The following ITGB3 variants were observed in gnomAD, a reference collection of about 807,000 sequenced individuals.
ITGB3 encodes integrin subunit beta 3.
In ITGB3, 48 loss-of-function variants were observed where a neutral mutation model predicts 85.8. That is an observed-to-expected ratio of 0.56 (90% CI 0.44 to 0.71). ITGB3 has a LOEUF of 0.71. Among genes scored for constraint, ITGB3 ranks in the 30% least tolerant of loss-of-function variants. The pLI is 0.00. For synonymous variants in ITGB3, 363 were observed against 395.6 expected, an observed-to-expected ratio of 0.92 and a Z score of 0.98; for missense variants, 861 against 1,019.1, an observed-to-expected ratio of 0.84 and a Z score of 2.11.
intron 6 of ITGB3, among the ~76,000 whole-genome samples, chr17:47,288,759 G>A (rs2065114033): frequency 6.6e-6 from 1 of 152,238 alleles, no homozygotes; most frequent in African/African-American, 2.4e-5. Flanking sequence ...GCCAGGGGCT[G>A]AGGGAGGTAA....
chr17:47,254,015 C>T, intron 1 of ITGB3, 75 bp downstream of exon 1: 6 of 988,618 alleles, frequency 6.1e-6, no homozygotes, highest in Non-Finnish European at 6.9e-6. Context: ...GGACTTGGAG[C>T]CGGCAAACGC....
chr17:47,274,564 C>G (rs2065056391), intron 2 of ITGB3, 60 bp downstream of exon 2: 5 of 1,444,904 alleles, frequency 3.5e-6, no homozygotes, highest in Admixed American at 3.3e-5. Flanking sequence ...TGTGCAGAAA[C>G]AGACCCATGA....
At chr17:47,290,077 A>G in intron 7 of ITGB3, 108 bp from the exon 8 acceptor site, 2 of 879,330 alleles carry the variant, frequency 2.3e-6, no homozygotes, top group Non-Finnish European at 3.9e-6. Context: ...AATATCCCGT[A>G]CCTTCCTCCA....
chr17:47,293,497 G>T (rs755738585), intron 10 of ITGB3, among the ~76,000 whole-genome samples: 1 of 152,132 alleles, frequency 6.6e-6, no homozygotes, highest in Non-Finnish European at 1.5e-5. Context: ...TCCCTCTTGC[G>T]ACAGACACAA....
At chr17:47,263,143 C>G (rs1227915372) in intron 1 of ITGB3, among the ~76,000 whole-genome samples, 3 of 152,176 alleles carry the variant, frequency 2.0e-5, no homozygotes, top group African/African-American at 7.2e-5. Context: ...AGGTTTCCTG[C>G]TGCTTTGCAT....
Position 47,299,333 on chromosome 17 carries a change from C to T in ITGB3, c.1716C>T (p.Asp572=), listed in dbSNP as rs2065157148. 6.2e-7 allele frequency: 1 copy of T among 1,614,154 alleles called. No homozygotes were observed. Among genetic ancestry groups the T allele is most frequent in the Non-Finnish European group, 8.5e-7 (1 of 1,180,050 alleles). The change falls in exon 11 of 15, where the codon GAC becomes GAT. Residue 572 remains aspartate (D), a synonymous_variant. Coordinates refer to ENST00000559488, the MANE Select transcript of ITGB3 (RefSeq NM_000212.3). This position sits in a 1 kb window ranked among gnomAD's most constrained non-coding sequence, Gnocchi z 5.1. ...GCCATGGCCAGTGCAGCTGTGGGGA[C>T]TGCCTGTGTGACTCCGACTGGACCG... ...CSGHGQCSCG[D]CLCDSDWTGY...
At chr17:47,294,820 C>T (rs1297451137) in intron 10 of ITGB3, among the ~76,000 whole-genome samples, 1 of 152,226 alleles carries the variant, frequency 6.6e-6, no homozygotes, top group Non-Finnish European at 1.5e-5. Context: ...TGGCTCTATG[C>T]TTCATTCTTT....
At chr17:47,262,733 A>C (rs566914786) in intron 1 of ITGB3, among the ~76,000 whole-genome samples, 1 of 152,254 alleles carries the variant, frequency 6.6e-6, no homozygotes, top group East Asian at 1.9e-4. Flanking sequence ...TTTCTTCACT[A>C]TATCCTGTTA....
In ITGB3 at chr17:47,300,350, T is replaced by C. The variant is rs1021396676; in HGVS notation, c.1914-128T>C. 123 of 710,678 alleles carry C rather than the reference T, an allele frequency of 1.7e-4. 1 individual carries two copies. In the African/African-American group the frequency reaches 1.8e-3, roughly 10 times the overall value. The allele number at this position is 710,678 out of a possible 1,614,324, so 44.0% of individuals were successfully genotyped here. ...TGTCTTACAGGCGCGCGCGCGCGTG[T>C]GTGTGTGTGTGTGTGTGTTTTAATG... On this transcript the variant is annotated intron_variant, in intron 11 of 14. Coordinates refer to ENST00000559488, the MANE Select transcript of ITGB3 (RefSeq NM_000212.3).
At chr17:47,301,123 G>A (rs536390647) in intron 12 of ITGB3, among the ~76,000 whole-genome samples, 3 of 152,178 alleles carry the variant, frequency 2.0e-5, no homozygotes, top group Admixed American at 6.5e-5. Context: ...AAATAAGACA[G>A]ACAGAAATAC....
At chr17:47,294,648 G>A (rs1277440555) in intron 10 of ITGB3, among the ~76,000 whole-genome samples, 2 of 152,192 alleles carry the variant, frequency 1.3e-5, no homozygotes, top group African/African-American at 2.4e-5. Flanking sequence ...ACCCTGTGGT[G>A]CCATCATCAC....
chr17:47,299,343 G>A lies in ITGB3; in HGVS notation c.1726G>A (p.Asp576Asn). The A allele has an allele frequency of 1.2e-6, 2 of 1,614,180 alleles. No homozygotes were observed. The highest frequency in any genetic ancestry group is 2.2e-5 in the South Asian group (2 of 91,078). ...GQCSCGDCLC[D>N]SDWTGYYCNC... ...GTGCAGCTGTGGGGACTGCCTGTGT[G>A]ACTCCGACTGGACCGGCTACTACTG... The change falls in exon 11 of 15, where the codon GAC (aspartate) becomes AAC (asparagine). Residue 576 changes from aspartate to asparagine, a missense_variant. Asp to Asn is a conservative substitution (Grantham distance 23, BLOSUM62 1). Coordinates refer to ENST00000559488, the MANE Select transcript of ITGB3 (RefSeq NM_000212.3). This position sits in a 1 kb window ranked among gnomAD's most constrained non-coding sequence, Gnocchi z 5.1.
chr17:47,277,289 A>G (rs185778886), intron 2 of ITGB3, among the ~76,000 whole-genome samples: 1 of 152,338 alleles, frequency 6.6e-6, no homozygotes, highest in East Asian at 1.9e-4. Context: ...CTTGTTAAAA[A>G]TAAAGCTTCC....
intron 10 of ITGB3, among the ~76,000 whole-genome samples, chr17:47,295,587 T>G (rs1286398386): frequency 6.6e-6 from 1 of 152,086 alleles, no homozygotes; most frequent in African/African-American, 2.4e-5. Flanking sequence ...TCACTTCCAC[T>G]CCCAACCTCA....
At chr17:47,303,279 A>AC (rs1469008602) in intron 13 of ITGB3, among the ~76,000 whole-genome samples, 1 of 151,934 alleles carries the variant, frequency 6.6e-6, no homozygotes, top group Non-Finnish European at 1.5e-5. Flanking sequence ...AACAACAACA[A>AC]AAAAAAACGA....
chr17:47,310,150 A>T lies in ITGB3; in HGVS notation c.2313A>T (p.Pro771=), dbSNP rs200411018. 9 of 1,613,902 alleles carry T rather than the reference A, an allele frequency of 5.6e-6. No individual in the cohort carries two copies. The East Asian group carries it at 2.0e-4, about 36-fold the overall frequency. ...TGTTTCCTCCACAGGCCAACAACCC[A>T]CTGTATAAAGAGGCCACGTCTACCT... ...ARAKWDTANN[P]LYKEATSTFT... Residue 771 remains proline (P), a synonymous_variant, in exon 15 of 15, where the codon CCA becomes CCT. Coordinates refer to ENST00000559488, the MANE Select transcript of ITGB3 (RefSeq NM_000212.3).
chr17:47,304,974 T>C (rs2065181981), intron 13 of ITGB3, among the ~76,000 whole-genome samples: 1 of 152,166 alleles, frequency 6.6e-6, no homozygotes, highest in South Asian at 2.1e-4. Context: ...CTTGGGTCAT[T>C]TGCCATTGGT....
At position 47,312,384 on chromosome 17, in the gene ITGB3, G is replaced by A. The variant is rs899311692; in HGVS notation, c.*2180G>A. Among the ~76,000 whole-genome samples the A allele has an allele frequency of 2.0e-5, 3 of 152,194 alleles. No individual in the cohort carries two copies. Among genetic ancestry groups the A allele is most frequent in the Admixed American group, 2.0e-4 (3 of 15,286 alleles). On this transcript the variant is annotated 3_prime_UTR_variant, in exon 15 of 15. Transcript: ENST00000559488. ...TTACTCCTTACTGTAGGGAATGGCAGTATGGTAGAGGGATAAATAGGGGGC... is the reference window on the plus strand; with the variant it reads ...TTACTCCTTACTGTAGGGAATGGCAATATGGTAGAGGGATAAATAGGGGGC...
intron 2 of ITGB3, among the ~76,000 whole-genome samples, chr17:47,277,759 CT>C (rs1417867126): frequency 6.6e-6 from 1 of 152,194 alleles, no homozygotes; most frequent in African/African-American, 2.4e-5. Context: ...CAGCTTCCCA[CT>C]TAGCCTGACA....
Sources: allele counts gnomAD v4.1 joint callset (sites outside exome capture counted in the v4.1 genomes callset), GRCh38; gene constraint gnomAD v4.1.1; non-coding constraint Gnocchi (gnomAD v3.1); transcripts MANE v1.5; gene names NCBI Gene and HGNC (gene_info 2026-07-23, HGNC 2026-07-21).